The following ESR1 variants were observed in gnomAD, a reference collection of about 807,000 sequenced individuals.
ESR1 encodes estrogen receptor.
ESR1 carries 12 observed loss-of-function variants against 52.7 expected under a neutral mutation model. The observed-to-expected ratio is 0.23, with a 90% CI of 0.15 to 0.37. The LOEUF is 0.37. Ranked by LOEUF, ESR1 falls within the 10% of genes least tolerant of loss-of-function variation. ESR1 has a pLI of 1.00. For synonymous variants in ESR1, 305 were observed against 316.8 expected (o/e 0.96, Z 0.39); for missense variants, 584 against 779.7 (o/e 0.75, Z 2.99).
chr6:152,116,753 ATT>A (rs1562798604), intron 6 of ESR1, among the ~76,000 whole-genome samples: 1 of 151,440 alleles, frequency 6.6e-6, no homozygotes, highest in African/African-American at 2.4e-5. Flanking sequence ...TATCTATTTT[ATT>A]TTGTTTTTAT....
intron 3 of ESR1, among the ~76,000 whole-genome samples, chr6:151,904,818 A>C (rs983531488): frequency 2.6e-5 from 4 of 152,200 alleles, no homozygotes; most frequent in African/African-American, 9.7e-5. Flanking sequence ...ACGTGGATGT[A>C]TCATTTACTC....
At chr6:151,934,893 T>G (rs1451685893) in intron 3 of ESR1, among the ~76,000 whole-genome samples, 1 of 152,212 alleles carries the variant, frequency 6.6e-6, no homozygotes, top group African/African-American at 2.4e-5. Flanking sequence ...TATAATAGCT[T>G]GCCCTCTCAG....
intron 1 of ESR1, among the ~76,000 whole-genome samples, chr6:151,809,488 G>A (rs1778450376): frequency 6.6e-6 from 1 of 152,192 alleles, no homozygotes. Context: ...GCTTCAGGGC[G>A]CCACATGGCT....
intron 3 of ESR1, among the ~76,000 whole-genome samples, chr6:151,899,706 C>T (rs1013742477): frequency 1.3e-5 from 2 of 151,214 alleles, no homozygotes; most frequent in African/African-American, 4.9e-5. Context: ...CAGAGGGTCT[C>T]CTCACTTCTC....
At chr6:151,668,747 A>G (rs1777917517) in intron 1 of ESR1, among the ~76,000 whole-genome samples, 1 of 152,182 alleles carries the variant, frequency 6.6e-6, no homozygotes, top group Non-Finnish European at 1.5e-5. Flanking sequence ...GGGATAAGCC[A>G]GACACTTGGG....
intron 6 of ESR1, among the ~76,000 whole-genome samples, chr6:152,110,856 C>T (rs1056096246): frequency 6.6e-6 from 1 of 152,154 alleles, no homozygotes; most frequent in Admixed American, 6.5e-5. Context: ...TCCCGGTTGT[C>T]TTTCTGGTGG....
chr6:151,935,218 CATT>C (rs1479128650), intron 3 of ESR1, among the ~76,000 whole-genome samples: 1 of 152,154 alleles, frequency 6.6e-6, no homozygotes, highest in Non-Finnish European at 1.5e-5. Context: ...TCATCATCAT[CATT>C]ATTATTATTA....
intron 3 of ESR1, among the ~76,000 whole-genome samples, chr6:151,899,528 G>C (rs1347068854): frequency 1.2e-4 from 17 of 140,496 alleles, no homozygotes; most frequent in Non-Finnish European, 2.3e-4. Flanking sequence ...GCGGGGGGCT[G>C]ACCCCCCCAC....
chr6:151,758,563 C>G (rs1323421690), intron 2 of ESR1, among the ~76,000 whole-genome samples: 1 of 151,680 alleles, frequency 6.6e-6, no homozygotes, highest in Non-Finnish European at 1.5e-5. Context: ...GAGTTCGAGA[C>G]CAGCCTGGCC....
At chr6:151,891,394 GA>G (rs1794679525) in intron 3 of ESR1, among the ~76,000 whole-genome samples, 1 of 152,186 alleles carries the variant, frequency 6.6e-6, no homozygotes, top group African/African-American at 2.4e-5. Context: ...TCCGTAGATA[GA>G]ACCTATAAAA....
intron 4 of ESR1, among the ~76,000 whole-genome samples, chr6:151,969,652 C>T (rs975050387): frequency 1.2e-4 from 19 of 152,206 alleles, no homozygotes; most frequent in Admixed American, 1.0e-3. Context: ...CAGCAGGAAG[C>T]GCTTTTCCCT....
chr6:151,701,573 C>T (rs1334054353), intron 1 of ESR1, among the ~76,000 whole-genome samples: 1 of 149,340 alleles, frequency 6.7e-6, no homozygotes, highest in African/African-American at 2.5e-5. Context: ...AAATGGAAGT[C>T]ATCCCGTGGG....
intron 2 of ESR1, among the ~76,000 whole-genome samples, chr6:151,756,440 G>A (rs544153392): frequency 6.6e-6 from 1 of 152,218 alleles, no homozygotes; most frequent in East Asian, 1.9e-4. Flanking sequence ...TAGAGACAGG[G>A]TTTCATCACG....
At chr6:152,122,765 G>C in intron 6 of ESR1, 1 of 1,595,624 alleles carries the variant, frequency 6.3e-7, no homozygotes, top group Middle Eastern at 2.0e-4. Context: ...GGAAGCTAAA[G>C]GGCCATGCCA....
At chr6:151,944,618 G>T in intron 4 of ESR1, 110 bp downstream of exon 4, 1 of 946,570 alleles carries the variant, frequency 1.1e-6, no homozygotes, top group Non-Finnish European at 1.7e-6. Flanking sequence ...TTATGTAATT[G>T]GTTTCAAGGT....
chr6:151,734,192 C>T (rs2128044757), intron 2 of ESR1, among the ~76,000 whole-genome samples: 1 of 152,202 alleles, frequency 6.6e-6, no homozygotes, highest in African/African-American at 2.4e-5. Flanking sequence ...GGAATATTCT[C>T]CCTGGGTTTT....
chr6:151,967,457 A>T (rs1370479184), intron 4 of ESR1, among the ~76,000 whole-genome samples: 1 of 152,124 alleles, frequency 6.6e-6, no homozygotes, highest in Non-Finnish European at 1.5e-5. Context: ...TTCCTGAGTT[A>T]GTTTGCTGAG....
chr6:151,806,543 TATATATATATATATAC>T (rs1562422143), upstream of ESR1, among the ~76,000 whole-genome samples: 7 of 141,948 alleles, frequency 4.9e-5, no homozygotes, highest in Non-Finnish European at 1.1e-4. Context: ...TATATATATA[TATATATATATATATAC>T]ACATATATGT....
chr6:151,842,439 C>A (rs9340800), intron 1 of ESR1, among the ~76,000 whole-genome samples, 158 bp from the exon 2 acceptor site: 2 of 152,168 alleles, frequency 1.3e-5, no homozygotes, highest in Non-Finnish European at 2.9e-5. Context: ...ATAGGCAACA[C>A]CTTTTGCTGC....
Sources: allele counts gnomAD v4.1 joint callset (sites outside exome capture counted in the v4.1 genomes callset), GRCh38; gene constraint gnomAD v4.1.1; transcripts MANE v1.5; gene names NCBI Gene and HGNC (gene_info 2026-07-23, HGNC 2026-07-21).